RORC: variants seen among roughly 807,000 people sequenced by gnomAD.
RORC encodes nuclear receptor ROR-gamma.
In RORC, 13 loss-of-function variants were observed where a neutral mutation model predicts 64.5. The observed-to-expected ratio is 0.20, with a 90% CI of 0.13 to 0.32. RORC has a LOEUF of 0.32. RORC is among the 10% of genes least tolerant of loss of function. RORC has a pLI of 1.00. For missense variants in RORC, 468 were observed against 669.5 expected (o/e 0.70, Z 3.32); for synonymous variants, 277 against 259.3 (o/e 1.07, Z -0.65).
intron 2 of RORC, among the ~76,000 whole-genome samples, chr1:151,817,591 GCTCCAGTTGC>G (rs150688114): frequency 0.027 from 4,059 of 152,304 alleles, 94 homozygotes; most frequent in Non-Finnish European, 0.04. Context: ...GAGTTGAAAA[GCTCCAGTTGC>G]CTCCCTCCCG....
At chr1:151,812,279 G>T (rs1453857725) in intron 9 of RORC, 1 of 152,154 alleles carries the variant, frequency 6.6e-6, no homozygotes, top group East Asian at 1.9e-4. Context: ...GCATTCAGTA[G>T]AAACCATACT....
In RORC at chr1:151,829,473, GA is replaced by G; in HGVS notation, c.41-16del. 6.6e-7 allele frequency: 1 copy of G among 1,524,470 alleles called. No homozygotes were observed. Among genetic ancestry groups the G allele is most frequent in the Non-Finnish European group, 8.7e-7 (1 of 1,144,030 alleles). 94.4% of individuals were successfully genotyped at this position (1,524,470 alleles called of 1,614,324 possible). On this transcript the variant is annotated splice_polypyrimidine_tract_variant and intron_variant, in intron 1 of 10. Coordinates refer to ENST00000318247, the MANE Select transcript of RORC (RefSeq NM_005060.4). ...AGCCAGCAGCTCTGTAAAGACAAGA[GA>G]GGGGGTTGACGTCAAAGGTTGAAGA...
In RORC at chr1:151,807,363, G is replaced by T. The variant is rs1651354686; in HGVS notation, c.*109C>A. 1.7e-6 allele frequency: 2 copies of T among 1,150,950 alleles called. No individual in the cohort carries two copies. The highest frequency in any genetic ancestry group is 2.4e-6 in the Non-Finnish European group (2 of 817,264). 71.3% of individuals were successfully genotyped at this position (1,150,950 alleles called of 1,614,324 possible). A position where few individuals can be genotyped will look rare whatever the true frequency, so the allele number is the denominator to read the frequency against. On this transcript the variant is annotated 3_prime_UTR_variant, in exon 11 of 11. Coordinates refer to ENST00000318247, the MANE Select transcript of RORC (RefSeq NM_005060.4). The surrounding 1 kb of genome is among the most constrained non-coding windows in gnomAD (Gnocchi z 5.0). ...ATCTGCTCACTTCCAAAGAGCTGGT[G>T]GGGACCACCCTCCAGGGTTCATGGG...
chr1:151,816,310 T>C (rs1221833966), intron 4 of RORC, among the ~76,000 whole-genome samples: 1 of 152,268 alleles, frequency 6.6e-6, no homozygotes, highest in Non-Finnish European at 1.5e-5. Flanking sequence ...GAGATAGAGC[T>C]AGAACTACAA....
chr1:151,811,870 A>G (rs540041355), intron 9 of RORC: 3 of 153,024 alleles, frequency 2.0e-5, no homozygotes, highest in Admixed American at 1.3e-4. Flanking sequence ...TTTTGCCCTG[A>G]TTCTATAAAA....
At chr1:151,815,497 T>C in intron 4 of RORC, 72 bp from the exon 5 acceptor site, 1 of 1,487,952 alleles carries the variant, frequency 6.7e-7, no homozygotes, top group Admixed American at 2.4e-5. Context: ...AGGAGGCATT[T>C]GGTCATTAAA....
At chr1:151,823,351 C>A (rs1383019674) in intron 2 of RORC, among the ~76,000 whole-genome samples, 4 of 152,240 alleles carry the variant, frequency 2.6e-5, no homozygotes, top group Admixed American at 2.0e-4. Context: ...TGGCGCCACG[C>A]TGGCCATGCC....
chr1:151,824,140 CG>C (rs1558169363), intron 2 of RORC, among the ~76,000 whole-genome samples: 1 of 152,170 alleles, frequency 6.6e-6, no homozygotes, highest in East Asian at 1.9e-4. Flanking sequence ...CTTTTGCCAT[CG>C]GCGGTTGGAG....
At chr1:151,811,259 C>G (rs552680984) in intron 10 of RORC, 66 bp downstream of exon 10, 1 of 1,063,716 alleles carries the variant, frequency 9.4e-7, no homozygotes, top group Admixed American at 1.9e-5. Context: ...CCCCGGCCCT[C>G]GCAAACTCTG....
chr1:151,822,791 C>T (rs1273146438), intron 2 of RORC, among the ~76,000 whole-genome samples: 1 of 152,252 alleles, frequency 6.6e-6, no homozygotes, highest in Non-Finnish European at 1.5e-5. Context: ...ATAGACATCT[C>T]CATCCTTTTT....
intron 2 of RORC, among the ~76,000 whole-genome samples, chr1:151,827,081 G>A (rs1169671032): frequency 6.6e-6 from 1 of 152,228 alleles, no homozygotes; most frequent in African/African-American, 2.4e-5. Context: ...TAATGCCACT[G>A]CACTACAGCC....
chr1:151,811,404 A>G lies in RORC; in HGVS notation c.1316T>C (p.Val439Ala), dbSNP rs1165554896. 5 of 1,613,756 alleles carry G rather than the reference A, an allele frequency of 3.1e-6. No individual in the cohort carries two copies. The highest frequency in any genetic ancestry group is 4.2e-6 in the Non-Finnish European group (5 of 1,179,838). The change falls in exon 10 of 11, where the codon GTA (valine) becomes GCA (alanine). Residue 439 changes from valine to alanine, a missense_variant. Transcript: ENST00000318247. ...HRPGLQEKRK[V>A]EQLQYNLELA... ...CTCCAGATTGTACTGCAGCTGTTCT[A>G]CTTTCCTTTTCTCTTGGAGCCCTGG...
At chr1:151,813,762 T>G in intron 6 of RORC, 142 bp from the exon 7 acceptor site, 2 of 899,862 alleles carry the variant, frequency 2.2e-6, no homozygotes, top group Non-Finnish European at 3.3e-6. Context: ...AAGCCTGGTC[T>G]TAGCACAAAT....
At chr1:151,813,457 TC>T in intron 7 of RORC, 30 bp downstream of exon 7, 1 of 1,613,604 alleles carries the variant, frequency 6.2e-7, no homozygotes, top group Non-Finnish European at 8.5e-7. Flanking sequence ...TGTCCCCTTG[TC>T]CCCAGGCCTG....
intron 10 of RORC, among the ~76,000 whole-genome samples, chr1:151,809,850 T>C (rs1345553273): frequency 6.6e-6 from 1 of 152,228 alleles, no homozygotes; most frequent in East Asian, 1.9e-4. Flanking sequence ...GGTTCCAAAG[T>C]AAATTGCCTA....
Position 151,831,785 on chromosome 1 carries a change from G to A in RORC, c.-21C>T, listed in dbSNP as rs1416014662. 13 of 1,605,516 alleles carry A rather than the reference G, an allele frequency of 8.1e-6. No individual in the cohort carries two copies. Among genetic ancestry groups the A allele is most frequent in the Admixed American group, 6.7e-5 (4 of 59,684 alleles). ...TCCATGGGGCAGCTCCCTTGGTGCC[G>A]TCCTGGCTGCCCTGGCTGCCCAGGA... On this transcript the variant is annotated 5_prime_UTR_variant, in exon 1 of 11. The change creates a new upstream start codon in the 5' untranslated region. Coordinates refer to ENST00000318247, the MANE Select transcript of RORC (RefSeq NM_005060.4).
intron 10 of RORC, among the ~76,000 whole-genome samples, chr1:151,809,536 C>G (rs1386542801): frequency 6.6e-6 from 1 of 152,126 alleles, no homozygotes; most frequent in African/African-American, 2.4e-5. Context: ...GAGGGTGGAA[C>G]AGGGGCTCAG....
intron 2 of RORC, among the ~76,000 whole-genome samples, chr1:151,817,950 AG>A (rs1651834234): frequency 6.6e-6 from 1 of 152,238 alleles, no homozygotes; most frequent in Non-Finnish European, 1.5e-5. Flanking sequence ...GAGCAGAGAG[AG>A]GGTGGCTTTG....
chr1:151,825,290 ACACACATG>A (rs1652148153), intron 2 of RORC, among the ~76,000 whole-genome samples: 1 of 151,992 alleles, frequency 6.6e-6, no homozygotes, highest in African/African-American at 2.4e-5. Flanking sequence ...ACACGCACAC[ACACACATG>A]CACACACACG....
Sources: allele counts gnomAD v4.1 joint callset (sites outside exome capture counted in the v4.1 genomes callset), GRCh38; gene constraint gnomAD v4.1.1; non-coding constraint Gnocchi (gnomAD v3.1); transcripts MANE v1.5; gene names NCBI Gene and HGNC (gene_info 2026-07-23, HGNC 2026-07-21).